EYS: variants seen among roughly 807,000 people sequenced by gnomAD.
EYS encodes the protein EGF-like photoreceptor maintenance factor.
EYS carries 250 observed loss-of-function variants against 282.1 expected under a neutral mutation model. That is an observed-to-expected ratio of 0.89 (90% CI 0.80 to 0.98). EYS has a LOEUF of 0.98. Among genes scored for constraint, EYS ranks in the 50% least tolerant of loss-of-function variants. EYS has a pLI of 0.00. For synonymous variants in EYS, 1,355 were observed against 1,282.9 expected, an observed-to-expected ratio of 1.06 and a Z score of -1.20; for missense variants, 4,016 against 3,709.0, an observed-to-expected ratio of 1.08 and a Z score of -2.15.
At position 64,049,952 on chromosome 6, in the gene EYS, G is replaced by A. The variant is rs901520164; in HGVS notation, c.6725+16386C>T. On this transcript the variant is annotated intron_variant, in intron 33 of 42. Transcript: ENST00000503581. ...CTTACAGAGCCAGCACACACTCCAG[G>A]TAGACAATTTGGGCCCAGGCAGACG... Among the ~76,000 whole-genome samples, 5 of 152,138 alleles carry A rather than the reference G, an allele frequency of 3.3e-5. No individual in the cohort carries two copies. The East Asian group carries it at 7.7e-4, about 23-fold the overall frequency.
intron 1 of EYS, among the ~76,000 whole-genome samples, chr6:65,703,372 T>C (rs902080592): frequency 6.6e-6 from 1 of 152,144 alleles, no homozygotes; most frequent in Non-Finnish European, 1.5e-5. Context: ...TGAGCAATAA[T>C]TCTTTTTTTA....
At chr6:64,666,947 T>C (rs1769252545) in intron 22 of EYS, among the ~76,000 whole-genome samples, 1 of 152,100 alleles carries the variant, frequency 6.6e-6, no homozygotes, top group Non-Finnish European at 1.5e-5. Flanking sequence ...TGTTTTATTT[T>C]CTCCCCTGGA....
chr6:64,836,343 A>G (rs1765382481), intron 19 of EYS, among the ~76,000 whole-genome samples: 1 of 151,070 alleles, frequency 6.6e-6, no homozygotes, highest in Non-Finnish European at 1.5e-5. Context: ...GTATTCTTCC[A>G]TGAATAATAT....
intron 1 of EYS, among the ~76,000 whole-genome samples, chr6:65,651,918 G>A (rs763716996): frequency 4.0e-5 from 6 of 151,886 alleles, no homozygotes; most frequent in Non-Finnish European, 8.8e-5. Flanking sequence ...TAACTAATAC[G>A]CTAAATTGAG....
chr6:64,589,150 A>G (rs1766320649), intron 26 of EYS, among the ~76,000 whole-genome samples: 2 of 152,194 alleles, frequency 1.3e-5, no homozygotes, highest in South Asian at 4.1e-4. Context: ...ATCAGCCTGT[A>G]AAAGTACAAG....
At chr6:63,902,778 C>T (rs889993415) in intron 35 of EYS, among the ~76,000 whole-genome samples, 1 of 131,236 alleles carries the variant, frequency 7.6e-6, no homozygotes, top group Admixed American at 7.2e-5. Context: ...AAAATATTGA[C>T]TGTAGAATAA....
chr6:64,581,187 A>T (rs1766052613), intron 26 of EYS, among the ~76,000 whole-genome samples: 1 of 152,152 alleles, frequency 6.6e-6, no homozygotes, highest in African/African-American at 2.4e-5. Flanking sequence ...GAGAGGAGGA[A>T]GAGAGAAAGA....
intron 12 of EYS, among the ~76,000 whole-genome samples, chr6:65,060,568 C>A (rs1773541064): frequency 2.0e-5 from 3 of 151,800 alleles, no homozygotes; most frequent in Non-Finnish European, 4.4e-5. Context: ...CACCCTCTTA[C>A]CCAAGTAACC....
intron 29 of EYS, among the ~76,000 whole-genome samples, chr6:64,386,649 T>C (rs1772920906): frequency 1.3e-5 from 2 of 152,166 alleles, no homozygotes. Context: ...TAAATAATCC[T>C]AGATTCATTC....
rs955205996 is a variant in EYS, at chr6:65,418,800, C to T, written c.863-13433G>A. ...CGTATACCTGTGTAACAAACCTTCACGTTCTGCACATGTATCCCATTTTTT... is the reference window on the plus strand; with the variant it reads ...CGTATACCTGTGTAACAAACCTTCATGTTCTGCACATGTATCCCATTTTTT... On this transcript the variant is annotated intron_variant, in intron 5 of 42. Transcript: ENST00000503581. Among the ~76,000 whole-genome samples, 3 of 152,030 alleles carry T rather than the reference C, an allele frequency of 2.0e-5. No homozygotes were observed. In the South Asian group the frequency reaches 6.2e-4, roughly 32 times the overall value.
chr6:65,557,776 G>A (rs1309927571), intron 2 of EYS, among the ~76,000 whole-genome samples: 3 of 152,164 alleles, frequency 2.0e-5, no homozygotes, highest in African/African-American at 7.2e-5. Context: ...GTTAGCAAAA[G>A]GCAGAGAGGA....
chr6:64,167,897 C>A lies in EYS; in HGVS notation c.6424+62695G>T, dbSNP rs76066322. Among the ~76,000 whole-genome samples, 725 of 152,224 alleles carry A rather than the reference C, an allele frequency of 4.8e-3. 14 individuals are homozygous for A. Among genetic ancestry groups the A allele is most frequent in the East Asian group, 0.047 (244 of 5,178 alleles). On this transcript the variant is annotated intron_variant, in intron 31 of 42. Transcript: ENST00000503581. ...ATGTACATTAAAAGATATTTAACAT[C>A]ATTTGTCATTAGAAAAAAACACAAA...
chr6:65,045,651 C>T (rs1773079093), intron 13 of EYS, among the ~76,000 whole-genome samples: 1 of 151,762 alleles, frequency 6.6e-6, no homozygotes, highest in South Asian at 2.1e-4. Flanking sequence ...ACTGTTTGTG[C>T]CTTGATGCTT....
chr6:65,412,662 C>T (rs905224074), intron 5 of EYS, among the ~76,000 whole-genome samples: 3 of 151,672 alleles, frequency 2.0e-5, no homozygotes, highest in African/African-American at 7.3e-5. Flanking sequence ...TATTTTTTGT[C>T]TATTATTTAT....
chr6:64,798,670 A>G (rs1221881783), intron 22 of EYS, among the ~76,000 whole-genome samples: 1 of 127,338 alleles, frequency 7.9e-6, no homozygotes, highest in Non-Finnish European at 1.6e-5. Flanking sequence ...ACTCCTGGTG[A>G]GTTGAACTCA....
intron 1 of EYS, among the ~76,000 whole-genome samples, chr6:65,689,848 ATC>A (rs1342165163): frequency 6.7e-6 from 1 of 149,778 alleles, no homozygotes; most frequent in Non-Finnish European, 1.5e-5. Context: ...TGCAATGGGG[ATC>A]TCTCTTTGTT....
intron 12 of EYS, among the ~76,000 whole-genome samples, chr6:65,162,815 A>T (rs188512169): frequency 1.3e-5 from 2 of 151,148 alleles, no homozygotes; most frequent in East Asian, 2.0e-4. Context: ...GGACTTGAAA[A>T]TGTTTTGTTT....
intron 22 of EYS, among the ~76,000 whole-genome samples, chr6:64,762,020 T>C (rs1164199650): frequency 6.6e-6 from 1 of 152,176 alleles, no homozygotes; most frequent in East Asian, 1.9e-4. Context: ...GAATGATATA[T>C]TGTATATTTC....
At chr6:63,807,406 C>T (rs1406520756) in intron 36 of EYS, among the ~76,000 whole-genome samples, 2 of 152,174 alleles carry the variant, frequency 1.3e-5, no homozygotes, top group African/African-American at 2.4e-5. Flanking sequence ...GTATGTAACA[C>T]TTAAAAGAGC....
Sources: gnomAD v4.1 joint callset for allele counts (sites outside exome capture counted in the v4.1 genomes callset) on GRCh38, gnomAD v4.1.1 for gene constraint, MANE v1.5 for transcripts, NCBI Gene and HGNC (gene_info 2026-07-23, HGNC 2026-07-21) for gene names.